MLPH: variants seen among roughly 807,000 people sequenced by gnomAD.
The protein encoded by MLPH is exophilin-3.
A neutral mutation model predicts 72.1 loss-of-function variants in MLPH; 51 were observed. The ratio of observed to expected loss-of-function variants is 0.71; its 90% CI spans 0.56 to 0.89. MLPH has a LOEUF of 0.89. Among genes scored for constraint, MLPH ranks in the 40% least tolerant of loss-of-function variants. The pLI is 0.00. For missense variants in MLPH, 743 were observed against 759.9 expected, an observed-to-expected ratio of 0.98 and a Z score of 0.26; for synonymous variants, 301 against 310.1, an observed-to-expected ratio of 0.97 and a Z score of 0.31.
chr2:237,486,797 G>C (rs1340239873), upstream of MLPH: 1 of 152,238 alleles, frequency 6.6e-6, no homozygotes, highest in Admixed American at 6.5e-5. Flanking sequence ...TTATTATTTG[G>C]CGTTGCCACT....
intron 7 of MLPH, among the ~76,000 whole-genome samples, chr2:237,526,614 G>A (rs1324910166): frequency 6.6e-6 from 1 of 152,164 alleles, no homozygotes; most frequent in Non-Finnish European, 1.5e-5. Flanking sequence ...CAAGTCCCCT[G>A]AGCACGTCGA....
At position 237,520,007 on chromosome 2, in the gene MLPH, C is replaced by G; in HGVS notation, c.653C>G (p.Pro218Arg). ...QGHSLHLSSVPEARDSPQSLT... is the reference protein window; with the variant it reads ...QGHSLHLSSVREARDSPQSLT... ...CACTCCCTGCACCTGTCCTCAGTCC[C>G]TGAGGCCAGGGACAGCCCACAGGTC... is the stretch of plus-strand genomic sequence containing the variant. Residue 218 changes from proline to arginine, a missense_variant, in exon 6 of 16, where the codon CCT becomes CGT. Physicochemically the swap from Pro to Arg is moderately radical, Grantham distance 103. Transcript: ENST00000264605. The G allele has an allele frequency of 6.2e-7, 1 of 1,614,034 alleles. No individual in the cohort carries two copies. The highest frequency in any genetic ancestry group is 8.5e-7 in the Non-Finnish European group (1 of 1,180,014).
intron 4 of MLPH, chr2:237,511,317 T>C: frequency 2.0e-6 from 1 of 487,826 alleles, no homozygotes; most frequent in Non-Finnish European, 3.7e-6. Context: ...TCACCATGTT[T>C]CCCAGACTGG....
Position 237,549,224 on chromosome 2 carries a change from A to G in MLPH, c.1621A>G (p.Met541Val). The change falls in exon 14 of 16, where the codon ATG (methionine) becomes GTG (valine). Residue 541 changes from methionine to valine, a missense_variant. Coordinates refer to ENST00000264605, the MANE Select transcript of MLPH (RefSeq NM_024101.7). ...NADPSSEAKA[M>V]AVPYLLRRKF... ...GGAGACACTCTGTTTCTTCTAGGCA[A>G]TGGCTGTGCCCTATCTTCTGAGAAG... 6.2e-7 allele frequency: 1 copy of G among 1,614,114 alleles called. No homozygotes were observed. Among genetic ancestry groups the G allele is most frequent in the Non-Finnish European group, 8.5e-7 (1 of 1,179,956 alleles).
chr2:237,499,563 A>C (rs2079604583), intron 2 of MLPH, among the ~76,000 whole-genome samples: 1 of 152,202 alleles, frequency 6.6e-6, no homozygotes, highest in Admixed American at 6.5e-5. Context: ...AAGAACTAGA[A>C]AGACCCTAAT....
At chr2:237,517,282 GATGCATGGATGC>G (rs2080057308) in intron 4 of MLPH, among the ~76,000 whole-genome samples, 5 of 151,310 alleles carry the variant, frequency 3.3e-5, no homozygotes, top group South Asian at 2.1e-4. Flanking sequence ...TAGATGGGTG[GATGCATGGATGC>G]ATGGATGGAT....
intron 12 of MLPH, chr2:237,545,600 A>G (rs2080900650): frequency 7.8e-7 from 1 of 1,287,252 alleles, no homozygotes; most frequent in Admixed American, 2.3e-5. Flanking sequence ...GATGGATGTG[A>G]CTAGAACGGA....
chr2:237,518,776 A>G, intron 5 of MLPH, 128 bp downstream of exon 5: 1 of 745,622 alleles, frequency 1.3e-6, no homozygotes, highest in Non-Finnish European at 2.4e-6. Context: ...CTGCATGAGC[A>G]CCAAGAATCT....
At chr2:237,487,743 C>G (rs1457137382) in intron 1 of MLPH, among the ~76,000 whole-genome samples, 1 of 152,250 alleles carries the variant, frequency 6.6e-6, no homozygotes, top group Non-Finnish European at 1.5e-5. Flanking sequence ...GCTCCATTGC[C>G]TCCATTGCGA....
chr2:237,522,977 TAA>T (rs2080223741), intron 6 of MLPH, among the ~76,000 whole-genome samples: 1 of 152,188 alleles, frequency 6.6e-6, no homozygotes, highest in Non-Finnish European at 1.5e-5. Context: ...TCTCATCCAA[TAA>T]AGAGCTGAAA....
In MLPH at chr2:237,515,381, C is replaced by A. The variant is rs1184061998; in HGVS notation, c.446-3158C>A. 2.6e-5 allele frequency among the ~76,000 whole-genome samples: 4 copies of A among 152,258 alleles called. No individual in the cohort carries two copies. The East Asian group carries it at 5.8e-4, about 22-fold the overall frequency. On this transcript the variant is annotated intron_variant, in intron 4 of 15. Transcript: ENST00000264605. ...GAAGAGCCAGGCCCTGCTGTCCCCA[C>A]TTGGGGACAGTCAGCACAGCCAGTC...
chr2:237,514,384 C>T (rs2079970353), intron 4 of MLPH, among the ~76,000 whole-genome samples: 2 of 152,148 alleles, frequency 1.3e-5, no homozygotes, highest in Non-Finnish European at 2.9e-5. Context: ...CAAGCATAAA[C>T]CGTGCATGCC....
chr2:237,519,960 T>G lies in MLPH; in HGVS notation c.606T>G (p.Asp202Glu), dbSNP rs1559354075. Residue 202 changes from aspartate to glutamate, a missense_variant, in exon 6 of 16, where the codon GAT (aspartate) becomes GAG (glutamate). By Grantham distance (45) the Asp-to-Glu change is conservative. Transcript: ENST00000264605. Reference protein sequence around the residue: ...VHDFDFEGDSDDSTQPQGHSL... With the variant: ...VHDFDFEGDSEDSTQPQGHSL... ...ACTTCGACTTCGAGGGAGACTCAGA[T>G]GACTCCACTCAGCCTCAAGGTCACT... 1 of 1,614,004 alleles carries G rather than the reference T, an allele frequency of 6.2e-7. No individual in the cohort carries two copies. Among genetic ancestry groups the G allele is most frequent in the Non-Finnish European group, 8.5e-7 (1 of 1,180,000 alleles).
chr2:237,488,157 C>T (rs1010950046), intron 1 of MLPH, among the ~76,000 whole-genome samples: 2 of 152,168 alleles, frequency 1.3e-5, no homozygotes, highest in African/African-American at 4.8e-5. Flanking sequence ...GAACTTGGGA[C>T]AGGTCCTTTT....
Position 237,499,966 on chromosome 2 carries a change from G to A in MLPH, c.110+6430G>A, listed in dbSNP as rs908255466. ...TCTCTATGTTGTCCAGGCTTGTCTT[G>A]AACTCCTGGGCTCAAGTGATCTTCC... On this transcript the variant is annotated intron_variant, in intron 2 of 15. Transcript: ENST00000264605. 3.3e-5 allele frequency among the ~76,000 whole-genome samples: 5 copies of A among 152,072 alleles called. No homozygotes were observed. The East Asian group carries it at 5.8e-4, about 18-fold the overall frequency.
chr2:237,495,402 T>C (rs1280602666), intron 2 of MLPH, among the ~76,000 whole-genome samples: 1 of 152,198 alleles, frequency 6.6e-6, no homozygotes, highest in Non-Finnish European at 1.5e-5. Flanking sequence ...GACCCCAGCA[T>C]TTAAAGCTGC....
At chr2:237,543,168 C>T (rs1347659097) in intron 12 of MLPH, among the ~76,000 whole-genome samples, 2 of 4,324 alleles carry the variant, frequency 4.6e-4, no homozygotes, top group Non-Finnish European at 7.0e-4. Context: ...GAATGGGGGA[C>T]AGTGGTGAGT....
intron 15 of MLPH, 100 bp from the exon 16 acceptor site, chr2:237,553,446 CTACAGATGTGCACATCCATG>C: frequency 4.3e-6 from 4 of 932,648 alleles, no homozygotes; most frequent in Non-Finnish European, 6.7e-6. Context: ...AAATTTGTGT[CTACAGATGTGCACATCCATG>C]TACACACCTG....
At chr2:237,500,844 C>T (rs552595899) in intron 2 of MLPH, among the ~76,000 whole-genome samples, 2 of 152,198 alleles carry the variant, frequency 1.3e-5, no homozygotes, top group Admixed American at 1.3e-4. Context: ...CCCTCAATGC[C>T]AGCCTCAGGT....
Sources: gnomAD v4.1 joint callset for allele counts (sites outside exome capture counted in the v4.1 genomes callset) on GRCh38, gnomAD v4.1.1 for gene constraint, MANE v1.5 for transcripts, NCBI Gene and HGNC (gene_info 2026-07-23, HGNC 2026-07-21) for gene names.